EFNA5: variants seen among roughly 807,000 people sequenced by gnomAD.
EFNA5 encodes the protein ephrin A5.
Under a neutral mutation model 22.9 loss-of-function variants are expected in EFNA5, and 5 were observed. That is an observed-to-expected ratio of 0.22 (90% CI 0.11 to 0.46). The LOEUF (loss-of-function observed/expected upper bound fraction) is 0.46, where lower values mean the gene tolerates loss of function less well. Ranked by LOEUF, EFNA5 falls within the 20% of genes least tolerant of loss-of-function variation. EFNA5 has a pLI of 0.99. For missense variants in EFNA5, 237 were observed against 293.3 expected, an observed-to-expected ratio of 0.81 and a Z score of 1.40; for synonymous variants, 113 against 112.2, an observed-to-expected ratio of 1.01 and a Z score of -0.04.
intron 1 of EFNA5, among the ~76,000 whole-genome samples, chr5:107,640,905 C>A (rs530126677): frequency 2.6e-5 from 4 of 152,160 alleles, no homozygotes; most frequent in African/African-American, 9.6e-5. Flanking sequence ...CCCAAGCAGG[C>A]CACACCAGGT....
chr5:107,444,614 G>C (rs1749343501), intron 1 of EFNA5, among the ~76,000 whole-genome samples: 1 of 152,154 alleles, frequency 6.6e-6, no homozygotes, highest in Admixed American at 6.5e-5. Context: ...AAAGAATCTT[G>C]TGCTTCAGGC....
At chr5:107,389,933 T>C (rs978368572) in intron 2 of EFNA5, among the ~76,000 whole-genome samples, 3 of 152,260 alleles carry the variant, frequency 2.0e-5, no homozygotes, top group Non-Finnish European at 4.4e-5. Flanking sequence ...TGCCTTGTGA[T>C]ACTGTGACTA....
At chr5:107,661,618 T>A (rs1480154326) in intron 1 of EFNA5, among the ~76,000 whole-genome samples, 2 of 152,236 alleles carry the variant, frequency 1.3e-5, no homozygotes, top group Non-Finnish European at 2.9e-5. Flanking sequence ...CCCACTTTGT[T>A]TAACCTAATT....
intron 1 of EFNA5, among the ~76,000 whole-genome samples, chr5:107,614,315 A>C (rs1749873018): frequency 6.6e-6 from 1 of 152,202 alleles, no homozygotes; most frequent in African/African-American, 2.4e-5. Flanking sequence ...AATATTCGAC[A>C]TATTAACATA....
intron 1 of EFNA5, among the ~76,000 whole-genome samples, chr5:107,597,871 C>A (rs980432597): frequency 2.6e-5 from 4 of 152,012 alleles, no homozygotes; most frequent in African/African-American, 4.8e-5. Context: ...GAAGTGCATC[C>A]CCCGACAGAA....
intron 1 of EFNA5, among the ~76,000 whole-genome samples, chr5:107,660,178 A>G (rs1021183530): frequency 6.7e-6 from 1 of 148,926 alleles, no homozygotes; most frequent in East Asian, 2.0e-4. Flanking sequence ...AAAATACACT[A>G]ATAACAGGCA....
intron 1 of EFNA5, among the ~76,000 whole-genome samples, chr5:107,597,584 G>C (rs1433176637): frequency 6.6e-6 from 1 of 152,048 alleles, no homozygotes; most frequent in Non-Finnish European, 1.5e-5. Context: ...AACTTGGCTA[G>C]AGAAAGGGGG....
At chr5:107,482,981 T>A (rs1424889603) in intron 1 of EFNA5, among the ~76,000 whole-genome samples, 1 of 151,876 alleles carries the variant, frequency 6.6e-6, no homozygotes, top group African/African-American at 2.4e-5. Context: ...GCAGAGTGTA[T>A]TTCACGCACT....
At chr5:107,412,096 T>G (rs1748382977) in intron 2 of EFNA5, among the ~76,000 whole-genome samples, 1 of 152,206 alleles carries the variant, frequency 6.6e-6, no homozygotes, top group African/African-American at 2.4e-5. Flanking sequence ...AAAATAGCTC[T>G]TAAAGTCATC....
intron 1 of EFNA5, among the ~76,000 whole-genome samples, chr5:107,585,569 T>G (rs1236532711): frequency 6.6e-6 from 1 of 152,054 alleles, no homozygotes; most frequent in Non-Finnish European, 1.5e-5. Context: ...AAAGCACAAA[T>G]AAGGGAAGAG....
At chr5:107,665,554 ATACTTT>A (rs1751048876) in intron 1 of EFNA5, among the ~76,000 whole-genome samples, 1 of 152,216 alleles carries the variant, frequency 6.6e-6, no homozygotes, top group African/African-American at 2.4e-5. Flanking sequence ...GAAGACTCTG[ATACTTT>A]TAATCACTAG....
intron 1 of EFNA5, among the ~76,000 whole-genome samples, chr5:107,485,268 G>A (rs1222645344): frequency 6.6e-6 from 1 of 152,120 alleles, no homozygotes; most frequent in African/African-American, 2.4e-5. Context: ...AAAAAAGAAA[G>A]TTCCCTCTTA....
chr5:107,436,328 T>C (rs1291861381), intron 1 of EFNA5, among the ~76,000 whole-genome samples: 3 of 152,204 alleles, frequency 2.0e-5, no homozygotes, highest in Non-Finnish European at 4.4e-5. Flanking sequence ...GGCTGGAAGC[T>C]TTGGGTGACA....
intron 1 of EFNA5, among the ~76,000 whole-genome samples, chr5:107,530,204 T>C (rs1747780224): frequency 6.6e-6 from 1 of 152,226 alleles, no homozygotes; most frequent in Non-Finnish European, 1.5e-5. Context: ...CTCTGCTCAT[T>C]GTAGTAACTC....
chr5:107,484,680 A>T (rs1746542848), intron 1 of EFNA5, among the ~76,000 whole-genome samples: 1 of 152,188 alleles, frequency 6.6e-6, no homozygotes, highest in African/African-American at 2.4e-5. Flanking sequence ...GACTTCAGGC[A>T]AATTAATTAA....
chr5:107,383,946 G>GA (rs1747537380), intron 4 of EFNA5, among the ~76,000 whole-genome samples: 1 of 152,062 alleles, frequency 6.6e-6, no homozygotes, highest in Non-Finnish European at 1.5e-5. Context: ...ATATCTTCCT[G>GA]CCCCCCAAAA....
At chr5:107,585,944 G>C (rs1561441018) in intron 1 of EFNA5, among the ~76,000 whole-genome samples, 1 of 152,156 alleles carries the variant, frequency 6.6e-6, no homozygotes, top group African/African-American at 2.4e-5. Flanking sequence ...GGATAGCACA[G>C]TGAGTAAAAC....
At chr5:107,506,392 GGTGT>G (rs1198917955) in intron 1 of EFNA5, among the ~76,000 whole-genome samples, 1 of 152,158 alleles carries the variant, frequency 6.6e-6, no homozygotes, top group African/African-American at 2.4e-5. Context: ...GAACTCTATT[GGTGT>G]AAGTATTTGT....
chr5:107,499,379 T>C (rs1580497002), intron 1 of EFNA5, among the ~76,000 whole-genome samples: 1 of 152,232 alleles, frequency 6.6e-6, no homozygotes, highest in Admixed American at 6.5e-5. Flanking sequence ...ATTCGGCAAC[T>C]GTTGTTAATC....
Sources: allele counts gnomAD v4.1 joint callset (sites outside exome capture counted in the v4.1 genomes callset), GRCh38; gene constraint gnomAD v4.1.1; transcripts MANE v1.5; gene names NCBI Gene and HGNC (gene_info 2026-07-23, HGNC 2026-07-21).